Variants in ACTN1 observed in about 807,000 individuals in gnomAD.
The protein encoded by ACTN1 is alpha-actinin-1.
A neutral mutation model predicts 119.6 loss-of-function variants in ACTN1; 30 were observed. That is an observed-to-expected ratio of 0.25 (90% CI 0.19 to 0.34). The LOEUF (loss-of-function observed/expected upper bound fraction) is 0.34. Among genes scored for constraint, ACTN1 ranks in the 10% least tolerant of loss-of-function variants. The pLI, the probability that ACTN1 is intolerant of heterozygous loss-of-function variation, is 1.00. For missense variants in ACTN1, 764 were observed against 1,223.4 expected (o/e 0.62, Z 5.60); for synonymous variants, 429 against 472.6 (o/e 0.91, Z 1.20).
chr14:68,911,949 GCCAACATGCCTAT>G (rs1385969071), intron 4 of ACTN1, among the ~76,000 whole-genome samples, 194 bp downstream of exon 4: 1 of 152,180 alleles, frequency 6.6e-6, no homozygotes, highest in Non-Finnish European at 1.5e-5. Context: ...TTTCCCTGAG[GCCAACATGCCTAT>G]GAGAATCAGA....
In ACTN1 at chr14:68,893,619, G is replaced by C. The variant is rs373238201; in HGVS notation, c.855+36C>G. ...TACACGTTCTAGGGGACTGACTCTT[G>C]CTAGAGTCAGGCCAGGTGAACCCGG... On this transcript the variant is annotated intron_variant, in intron 9 of 21. Coordinates refer to ENST00000394419, the MANE Select transcript of ACTN1 (RefSeq NM_001130004.2). The C allele has an allele frequency of 3.3e-5, 52 of 1,598,346 alleles. No homozygotes were observed. In the African/African-American group the frequency reaches 6.3e-4, roughly 19 times the overall value.
rs1018879185 is a variant in ACTN1 at position 68,878,387 on chromosome 14, C to G, written c.2427+71G>C. 6.6e-7 allele frequency: 1 copy of G among 1,508,514 alleles called. No homozygotes were observed. Among genetic ancestry groups the G allele is most frequent in the African/African-American group, 1.4e-5 (1 of 71,514 alleles). 93.4% of individuals were successfully genotyped at this position (1,508,514 alleles called of 1,614,324 possible). A position where few individuals can be genotyped will look rare whatever the true frequency, so the allele number is the denominator to read the frequency against. ...CCTGAGGGCCTCCAGCCTGCCACTC[C>G]TGGGACTTGGCTGCTCCCGCCAGCT... On this transcript the variant is annotated intron_variant, in intron 20 of 21. Transcript: ENST00000394419. The surrounding 1 kb of genome is among the most constrained non-coding windows in gnomAD (Gnocchi z 4.4).
intron 1 of ACTN1, among the ~76,000 whole-genome samples, chr14:68,964,251 C>T (rs547241130): frequency 1.1e-4 from 17 of 152,316 alleles, no homozygotes; most frequent in Non-Finnish European, 2.2e-4. Flanking sequence ...CTGCAGGAAG[C>T]CAACAGCATC....
chr14:68,881,234 C>T (rs760244180), intron 16 of ACTN1: 23 of 416,828 alleles, frequency 5.5e-5, no homozygotes, highest in Non-Finnish European at 9.5e-5. Flanking sequence ...TACCAACTCT[C>T]GGGTACCTGT....
intron 1 of ACTN1, among the ~76,000 whole-genome samples, chr14:68,948,504 G>A (rs2036017770): frequency 6.6e-6 from 1 of 152,118 alleles, no homozygotes. Flanking sequence ...CTTGAACCCG[G>A]GAGGCAGAGG....
intron 1 of ACTN1, among the ~76,000 whole-genome samples, chr14:68,946,511 A>G (rs1469795812): frequency 1.3e-5 from 2 of 152,206 alleles, no homozygotes; most frequent in Non-Finnish European, 2.9e-5. Context: ...GAGAAGTGGC[A>G]GAAGTCCTAC....
chr14:68,899,954 AG>A (rs1280188541), intron 8 of ACTN1, among the ~76,000 whole-genome samples: 1 of 152,182 alleles, frequency 6.6e-6, no homozygotes. Flanking sequence ...GGAGGGGCAC[AG>A]GAACAGCAGC....
intron 1 of ACTN1, among the ~76,000 whole-genome samples, chr14:68,968,637 T>C (rs1166237278): frequency 2.6e-5 from 4 of 152,232 alleles, no homozygotes; most frequent in African/African-American, 9.6e-5. Flanking sequence ...AAGGTACTCT[T>C]TCCTGAAAAT....
In ACTN1 at chr14:68,979,118, C is replaced by G; in HGVS notation, c.-62G>C. 9.4e-7 allele frequency: 1 copy of G among 1,059,644 alleles called. No individual in the cohort carries two copies. The highest frequency in any genetic ancestry group is 1.3e-6 in the Non-Finnish European group (1 of 743,484). 65.6% of individuals were successfully genotyped at this position (1,059,644 alleles called of 1,614,324 possible). A position where few individuals can be genotyped will look rare whatever the true frequency, so the allele number is the denominator to read the frequency against. ...CCACCTTCTCTCTGAGCAACGGCTG[C>G]TGCCCTGGCGTGGGGAGGGAGTAGG... On this transcript the variant is annotated 5_prime_UTR_variant, in exon 1 of 22. Coordinates refer to ENST00000394419, the MANE Select transcript of ACTN1 (RefSeq NM_001130004.2).
At chr14:68,977,790 C>T in intron 1 of ACTN1, 1 of 333,830 alleles carries the variant, frequency 3.0e-6, no homozygotes, top group South Asian at 2.1e-5. Context: ...CAAAGGGACG[C>T]GCCATCCTGT....
rs1352500547 is a variant in ACTN1 at position 68,925,915 on chromosome 14, C to T, written c.106-243G>A. ...GTGGGAGCAAGCAGGATACATGAAG[C>T]AGCAAATTCCCTTAACATCCGCCTC... On this transcript the variant is annotated intron_variant, in intron 1 of 21. Coordinates refer to ENST00000394419, the MANE Select transcript of ACTN1 (RefSeq NM_001130004.2). This position sits in a 1 kb window ranked among gnomAD's most constrained non-coding sequence, Gnocchi z 4.3. Among the ~76,000 whole-genome samples, 1 of 152,222 alleles carries T rather than the reference C, an allele frequency of 6.6e-6. No individual in the cohort carries two copies. Among genetic ancestry groups the T allele is most frequent in the Non-Finnish European group, 1.5e-5 (1 of 68,046 alleles).
At chr14:68,929,648 T>C (rs1195203628) in intron 1 of ACTN1, among the ~76,000 whole-genome samples, 3 of 123,916 alleles carry the variant, frequency 2.4e-5, no homozygotes, top group Non-Finnish European at 3.4e-5. Context: ...GGAAAAGTCC[T>C]TGGGACCAAG....
At chr14:68,914,434 T>C (rs1421153028) in intron 3 of ACTN1, among the ~76,000 whole-genome samples, 1 of 152,062 alleles carries the variant, frequency 6.6e-6, no homozygotes, top group Non-Finnish European at 1.5e-5. Flanking sequence ...ATCAAAGAAA[T>C]AAGATCACCT....
At chr14:68,964,662 C>A (rs1287787029) in intron 1 of ACTN1, among the ~76,000 whole-genome samples, 1 of 152,210 alleles carries the variant, frequency 6.6e-6, no homozygotes, top group Non-Finnish European at 1.5e-5. Flanking sequence ...CTCTAAGCCT[C>A]AGTTCCTTCT....
chr14:68,936,100 A>G (rs2035491751), intron 1 of ACTN1, among the ~76,000 whole-genome samples: 2 of 151,074 alleles, frequency 1.3e-5, no homozygotes, highest in Admixed American at 6.6e-5. Flanking sequence ...TGGAGCCCAG[A>G]AACTTTTCCC....
chr14:68,925,666 T>C lies in ACTN1; in HGVS notation c.112A>G (p.Thr38Ala). Residue 38 changes from threonine (T) to alanine (A), a missense_variant, in exon 2 of 22, where the codon ACG becomes GCG. Physicochemically the swap from Thr to Ala is moderately conservative, Grantham distance 58. This residue lies in a region of ACTN1 where 64 missense variants were observed against 80.0 expected (regional missense o/e 0.80). Transcript: ENST00000394419. This position sits in a 1 kb window ranked among gnomAD's most constrained non-coding sequence, Gnocchi z 4.3. ...AWEKQQRKTF[T>A]AWCNSHLRKA... ...CGGAGGTGGGAGTTACACCATGCCG[T>C]GAATGTCTGGGCAGAGACAAGAAGG... The C allele has an allele frequency of 6.2e-7, 1 of 1,610,782 alleles. No homozygotes were observed.
chr14:68,972,529 A>G (rs1251456239), intron 1 of ACTN1, among the ~76,000 whole-genome samples: 1 of 152,378 alleles, frequency 6.6e-6, no homozygotes, highest in East Asian at 1.9e-4. Context: ...TAAAGTCACC[A>G]TTTTAAAATG....
chr14:68,889,858 C>T (rs889021843), intron 11 of ACTN1, among the ~76,000 whole-genome samples: 4 of 152,170 alleles, frequency 2.6e-5, no homozygotes, highest in African/African-American at 9.7e-5. Context: ...AGTGAACACT[C>T]ACACAGCACT....
intron 1 of ACTN1, among the ~76,000 whole-genome samples, chr14:68,930,937 C>T (rs139253052): frequency 1.5e-3 from 231 of 152,262 alleles, no homozygotes; most frequent in African/African-American, 5.2e-3. Flanking sequence ...AGGCACCATC[C>T]AAGTCAAACC....
Sources: gnomAD v4.1 joint callset for allele counts (sites outside exome capture counted in the v4.1 genomes callset) on GRCh38, gnomAD v4.1.1 for gene constraint, gnomAD v4.1.1 regional missense constraint, Gnocchi (gnomAD v3.1) non-coding constraint, MANE v1.5 for transcripts, NCBI Gene and HGNC (gene_info 2026-07-23, HGNC 2026-07-21) for gene names.